The following GABRA5 variants were observed in gnomAD, a reference collection of about 807,000 sequenced individuals.
GABRA5 encodes gamma-aminobutyric acid receptor subunit alpha-5.
A neutral mutation model predicts 47.3 loss-of-function variants in GABRA5; 18 were observed. That is an observed-to-expected ratio of 0.38 (90% CI 0.26 to 0.56). The LOEUF (loss-of-function observed/expected upper bound fraction) is 0.56, where lower values mean the gene tolerates loss of function less well. Among genes scored for constraint, GABRA5 ranks in the 20% least tolerant of loss-of-function variants. GABRA5 has a pLI of 0.71. For missense variants in GABRA5, 365 were observed against 599.3 expected, an observed-to-expected ratio of 0.61 and a Z score of 4.08; for synonymous variants, 237 against 229.3, an observed-to-expected ratio of 1.03 and a Z score of -0.30.
intron 9 of GABRA5, 124 bp downstream of exon 9, chr15:26,940,201 G>T: frequency 1.3e-6 from 1 of 761,346 alleles, no homozygotes; most frequent in South Asian, 1.9e-5. Flanking sequence ...ACCTGGAAAA[G>T]AAATTGACCC....
intron 3 of GABRA5, chr15:26,880,588 T>C: frequency 3.1e-6 from 1 of 319,310 alleles, no homozygotes; most frequent in Non-Finnish European, 5.8e-6. Context: ...ATAAACCAAT[T>C]CCTTAGAATC....
At chr15:26,906,844 G>A (rs977105438) in intron 6 of GABRA5, among the ~76,000 whole-genome samples, 10 of 152,098 alleles carry the variant, frequency 6.6e-5, no homozygotes, top group African/African-American at 2.4e-5. Context: ...TGAGAAACAT[G>A]AGCATTAGAA....
rs1893684346 is a variant in GABRA5, at chr15:26,914,879, G to A, written c.574G>A (p.Gly192Ser). 3.1e-6 allele frequency: 5 copies of A among 1,613,172 alleles called. No individual in the cohort carries two copies. Among genetic ancestry groups the A allele is most frequent in the Non-Finnish European group, 4.2e-6 (5 of 1,179,370 alleles). ...MDAHACPLKF[G>S]SYAYPNSEVV... ...TGCGCACGCTTGCCCTCTGAAATTT[G>A]GCAGCTGTAAGTTATTTTCACAAGT... is the stretch of plus-strand genomic sequence containing the variant. Residue 192 changes from glycine to serine, a missense_variant, in exon 7 of 11, where the codon GGC becomes AGC. This residue lies in a region of GABRA5 where 216 missense variants were observed against 335.3 expected (regional missense o/e 0.64). Transcript: ENST00000335625.
intron 6 of GABRA5, among the ~76,000 whole-genome samples, chr15:26,885,132 T>TA (rs1005327476): frequency 4.0e-5 from 6 of 151,344 alleles, no homozygotes; most frequent in African/African-American, 7.3e-5. Context: ...CCGTCTCTAC[T>TA]AAAAAAAATA....
intron 9 of GABRA5, among the ~76,000 whole-genome samples, chr15:26,941,830 G>C (rs970696139): frequency 6.6e-6 from 1 of 152,130 alleles, no homozygotes; most frequent in African/African-American, 2.4e-5. Context: ...TGTCTCCAAG[G>C]TTCCCCATTT....
intron 7 of GABRA5, among the ~76,000 whole-genome samples, chr15:26,929,626 C>T (rs2140307473): frequency 6.6e-6 from 1 of 152,332 alleles, no homozygotes; most frequent in East Asian, 1.9e-4. Flanking sequence ...GGCCATTGTG[C>T]CCCCTCTGCT....
chr15:26,906,515 T>C (rs1416933943), intron 6 of GABRA5, among the ~76,000 whole-genome samples: 1 of 152,196 alleles, frequency 6.6e-6, no homozygotes, highest in Non-Finnish European at 1.5e-5. Flanking sequence ...ACGTGACCTC[T>C]TAGATTTCCT....
At chr15:26,885,298 CAA>C (rs56883238) in intron 6 of GABRA5, among the ~76,000 whole-genome samples, 32 of 105,500 alleles carry the variant, frequency 3.0e-4, no homozygotes, top group Middle Eastern at 5.6e-3. Context: ...GACTCCGTTT[CAA>C]AAAAAAAAAA....
intron 3 of GABRA5, among the ~76,000 whole-genome samples, chr15:26,873,500 G>T (rs962440950): frequency 1.3e-5 from 2 of 152,234 alleles, no homozygotes. Flanking sequence ...TATTGGAGAA[G>T]TGGCTTTTGA....
chr15:26,937,598 C>T (rs1595434787), intron 8 of GABRA5, among the ~76,000 whole-genome samples: 4 of 152,268 alleles, frequency 2.6e-5, no homozygotes, highest in African/African-American at 9.6e-5. Flanking sequence ...TATATAACAC[C>T]CCCCTAAGCA....
At chr15:26,915,692 TC>T (rs1418298368) in intron 7 of GABRA5, among the ~76,000 whole-genome samples, 1 of 152,204 alleles carries the variant, frequency 6.6e-6, no homozygotes, top group East Asian at 1.9e-4. Context: ...TTTCCATCTT[TC>T]TTTCTACTCT....
At chr15:26,932,395 C>T (rs534735846) in intron 7 of GABRA5, among the ~76,000 whole-genome samples, 36 of 152,098 alleles carry the variant, frequency 2.4e-4, no homozygotes, top group Non-Finnish European at 4.7e-4. Context: ...TAGTGAAATG[C>T]AAATCAAAAC....
chr15:26,940,058 C>T lies in GABRA5; in HGVS notation c.858C>T (p.Val286=), dbSNP rs1010086417. Residue 286 remains valine (V), a synonymous_variant, in exon 9 of 11, where the codon GTC becomes GTT. Coordinates refer to ENST00000335625, the MANE Select transcript of GABRA5 (RefSeq NM_000810.4). ...CCTTTTGGCTGAACCGGGAATCAGT[C>T]CCAGCCAGGACAGTTTTTGGTGAGT... is the stretch of plus-strand genomic sequence containing the variant. ...QVSFWLNRES[V]PARTVFGVTT... 2 of 1,613,324 alleles carry T rather than the reference C, an allele frequency of 1.2e-6. No homozygotes were observed. The highest frequency in any genetic ancestry group is 1.7e-6 in the Non-Finnish European group (2 of 1,179,574).
chr15:26,934,593 G>T (rs1894190992), intron 7 of GABRA5, among the ~76,000 whole-genome samples: 1 of 152,170 alleles, frequency 6.6e-6, no homozygotes, highest in Non-Finnish European at 1.5e-5. Flanking sequence ...CTGTGAGTCA[G>T]GTGCGTGCTA....
At chr15:26,928,028 A>G (rs1894002166) in intron 7 of GABRA5, among the ~76,000 whole-genome samples, 1 of 152,226 alleles carries the variant, frequency 6.6e-6, no homozygotes, top group African/African-American at 2.4e-5. Flanking sequence ...ATACTTAAAC[A>G]CAACAAGACT....
chr15:26,930,003 C>CTTTTTTTTTTTTTTTTTTT (rs1203493810), intron 7 of GABRA5, among the ~76,000 whole-genome samples: 1 of 114,960 alleles, frequency 8.7e-6, no homozygotes, highest in African/African-American at 3.4e-5. Context: ...TCTTCTTCTT[C>CTTTTTTTTTTTTTTTTTTT]TTCTTTTTTT....
intron 7 of GABRA5, among the ~76,000 whole-genome samples, chr15:26,922,980 C>T (rs1334927638): frequency 2.0e-5 from 3 of 152,160 alleles, no homozygotes; most frequent in Non-Finnish European, 4.4e-5. Flanking sequence ...CTCATTTTGC[C>T]AGTTCAAGTG....
intron 3 of GABRA5, chr15:26,877,558 C>G (rs1186504849): frequency 2.6e-6 from 1 of 384,636 alleles, no homozygotes; most frequent in African/African-American, 2.1e-5. Context: ...TTATCGAACT[C>G]ACTGTATGTA....
At chr15:26,919,797 C>A (rs1893800618) in intron 7 of GABRA5, among the ~76,000 whole-genome samples, 1 of 152,102 alleles carries the variant, frequency 6.6e-6, no homozygotes, top group African/African-American at 2.4e-5. Context: ...GTATTTCTTG[C>A]AAGTCAGGTC....
Sources: gnomAD v4.1 joint callset for allele counts (sites outside exome capture counted in the v4.1 genomes callset) on GRCh38, gnomAD v4.1.1 for gene constraint, gnomAD v4.1.1 regional missense constraint, MANE v1.5 for transcripts, NCBI Gene and HGNC (gene_info 2026-07-23, HGNC 2026-07-21) for gene names.